SLC22A9: variants seen among roughly 807,000 people sequenced by gnomAD.
SLC22A9 encodes solute carrier family 22 member 9.
In SLC22A9, 64 loss-of-function variants were observed where a neutral mutation model predicts 50.1. The observed-to-expected ratio is 1.28, with a 90% CI of 1.04 to 1.57. The LOEUF (loss-of-function observed/expected upper bound fraction) is 1.57, where lower values mean the gene tolerates loss of function less well. Among genes scored for constraint, SLC22A9 ranks in the 40% most tolerant of loss-of-function variants. The pLI, the probability that SLC22A9 is intolerant of heterozygous loss-of-function variation, is 0.00. For missense variants in SLC22A9, 757 were observed against 676.1 expected (o/e 1.12, Z -1.33); for synonymous variants, 261 against 242.5 (o/e 1.08, Z -0.71).
At chr11:63,392,329 A>T (rs545428927) in intron 6 of SLC22A9, among the ~76,000 whole-genome samples, 3 of 152,168 alleles carry the variant, frequency 2.0e-5, no homozygotes, top group Admixed American at 6.5e-5. Context: ...TTCAGATGAT[A>T]TATTCCTGCT....
intron 6 of SLC22A9, among the ~76,000 whole-genome samples, chr11:63,389,544 G>T (rs528416701): frequency 6.6e-6 from 1 of 152,304 alleles, no homozygotes; most frequent in African/African-American, 2.4e-5. Flanking sequence ...GTATTCCATG[G>T]TGTATGTGTG....
At chr11:63,374,145 G>C (rs149483273) in intron 4 of SLC22A9, 83 bp downstream of exon 4, 4 of 1,346,174 alleles carry the variant, frequency 3.0e-6, no homozygotes, top group Non-Finnish European at 4.0e-6. Context: ...ATTTCTTTTT[G>C]TTCTTTGTGT....
intron 8 of SLC22A9, 90 bp downstream of exon 8, chr11:63,408,310 T>C: frequency 1.0e-6 from 1 of 997,504 alleles, no homozygotes; most frequent in Non-Finnish European, 1.6e-6. Flanking sequence ...TAAGACTGGT[T>C]CATTAAGAAA....
At chr11:63,391,283 G>A (rs2014759695) in intron 6 of SLC22A9, among the ~76,000 whole-genome samples, 1 of 152,074 alleles carries the variant, frequency 6.6e-6, no homozygotes, top group South Asian at 2.1e-4. Context: ...GGAGAAAAGT[G>A]CATATTCTTC....
intron 6 of SLC22A9, among the ~76,000 whole-genome samples, chr11:63,401,438 C>T (rs545757811): frequency 3.2e-4 from 49 of 152,056 alleles, no homozygotes; most frequent in African/African-American, 7.2e-4. Context: ...TAATAAACTA[C>T]ACCAAAGAAC....
At chr11:63,389,990 G>A (rs529266258) in intron 6 of SLC22A9, among the ~76,000 whole-genome samples, 7 of 152,264 alleles carry the variant, frequency 4.6e-5, no homozygotes, top group Admixed American at 1.3e-4. Context: ...TTTGAGAAGC[G>A]TCTGTTGATA....
rs539836243 is a variant in SLC22A9, at chr11:63,409,730, C to T, written c.1602-72C>T. On this transcript the variant is annotated intron_variant, in intron 9 of 9. Transcript: ENST00000279178. ...AAGAATCAACATTCCTTAAAGAATG[C>T]GGGACTTACATGTTTAGTCCATGTC... 36 of 1,423,110 alleles carry T rather than the reference C, an allele frequency of 2.5e-5. No homozygotes were observed. The Middle Eastern group carries it at 1.1e-3, about 42-fold the overall frequency. The allele number at this position is 1,423,110 out of a possible 1,614,324, so 88.2% of individuals were successfully genotyped here.
chr11:63,373,615 C>T, intron 2 of SLC22A9, 29 bp from the exon 3 acceptor site: 1 of 1,489,042 alleles, frequency 6.7e-7, no homozygotes, highest in Non-Finnish European at 8.9e-7. Flanking sequence ...GTTATTGTTC[C>T]CATTATCTAA....
chr11:63,371,843 T>TCACCTTGC (rs1403223931), intron 2 of SLC22A9, among the ~76,000 whole-genome samples: 1 of 152,172 alleles, frequency 6.6e-6, no homozygotes, highest in Non-Finnish European at 1.5e-5. Context: ...TTTGGGGTAT[T>TCACCTTGC]CACCTTGCTG....
chr11:63,385,740 T>G (rs929375286), intron 6 of SLC22A9, among the ~76,000 whole-genome samples: 1 of 152,024 alleles, frequency 6.6e-6, no homozygotes, highest in African/African-American at 2.4e-5. Flanking sequence ...CATCTGCAAA[T>G]GAAGACAACT....
rs1801443 is a variant in SLC22A9, at chr11:63,382,218, G to C, written c.1014G>C (p.Leu338=). ...LEAAQKKKPS[L]CEMLHMPNIC... is the part of the protein sequence containing the mutation. ...CAGCACAAAAAAAAAAACCTTCTCT[G>C]TGTGAAATGCTCCACATGCCCAACA... Residue 338 remains leucine (L), a synonymous_variant, in exon 6 of 10, where the codon CTG becomes CTC. Coordinates refer to ENST00000279178, the MANE Select transcript of SLC22A9 (RefSeq NM_080866.3). 4.4e-6 allele frequency: 7 copies of C among 1,609,134 alleles called. No homozygotes were observed. In the African/African-American group the frequency reaches 9.4e-5, roughly 22 times the overall value.
chr11:63,404,211 G>T (rs1027645250), intron 6 of SLC22A9, among the ~76,000 whole-genome samples: 2 of 145,736 alleles, frequency 1.4e-5, no homozygotes. Flanking sequence ...CCTTGGGCTA[G>T]CACAGAAGAA....
At chr11:63,383,609 G>T (rs61927997) in intron 6 of SLC22A9, among the ~76,000 whole-genome samples, 1 of 152,098 alleles carries the variant, frequency 6.6e-6, no homozygotes, top group South Asian at 2.1e-4. Context: ...CCAATGCAAA[G>T]CTTCAAAGAA....
At chr11:63,374,456 T>C (rs541466138) in intron 4 of SLC22A9, among the ~76,000 whole-genome samples, 1 of 152,266 alleles carries the variant, frequency 6.6e-6, no homozygotes, top group South Asian at 2.1e-4. Context: ...TATAATTATG[T>C]CCAAAATATT....
chr11:63,406,384 A>G, intron 6 of SLC22A9, 113 bp from the exon 7 acceptor site: 1 of 849,638 alleles, frequency 1.2e-6, no homozygotes, highest in Non-Finnish European at 1.8e-6. Context: ...CATGAAATAG[A>G]CCCAGCCTTT....
At chr11:63,372,749 A>G (rs2014385400) in intron 2 of SLC22A9, among the ~76,000 whole-genome samples, 1 of 152,014 alleles carries the variant, frequency 6.6e-6, no homozygotes, top group Non-Finnish European at 1.5e-5. Flanking sequence ...TTATTAATTT[A>G]TTTCTAATTC....
intron 6 of SLC22A9, among the ~76,000 whole-genome samples, chr11:63,390,218 G>T (rs546653312): frequency 6.6e-6 from 1 of 152,200 alleles, no homozygotes; most frequent in East Asian, 1.9e-4. Context: ...TGTTGCAATT[G>T]CTTTTGGTGT....
chr11:63,401,522 G>A (rs946309776), intron 6 of SLC22A9, among the ~76,000 whole-genome samples: 20 of 152,144 alleles, frequency 1.3e-4, no homozygotes, highest in African/African-American at 2.9e-4. Flanking sequence ...TGGATTAGAA[G>A]AACCAATATT....
intron 2 of SLC22A9, 30 bp from the exon 3 acceptor site, chr11:63,373,614 C>T (rs756864502): frequency 1.9e-5 from 29 of 1,488,032 alleles, no homozygotes; most frequent in Non-Finnish European, 2.6e-5. Flanking sequence ...TGTTATTGTT[C>T]CCATTATCTA....
Sources: allele counts gnomAD v4.1 joint callset (sites outside exome capture counted in the v4.1 genomes callset), GRCh38; gene constraint gnomAD v4.1.1; transcripts MANE v1.5; gene names NCBI Gene and HGNC (gene_info 2026-07-23, HGNC 2026-07-21).